The following UPF2 variants were observed in gnomAD, a reference collection of about 807,000 sequenced individuals.
UPF2 encodes regulator of nonsense transcripts 2.
In UPF2, 17 loss-of-function variants were observed where a neutral mutation model predicts 141.4. The observed-to-expected ratio is 0.12, with a 90% CI of 0.08 to 0.18. UPF2 has a LOEUF of 0.18. UPF2 is among the 10% of genes least tolerant of loss of function. UPF2 has a pLI of 1.00. For synonymous variants in UPF2, 540 were observed against 498.0 expected (o/e 1.08, Z -1.12); for missense variants, 1,152 against 1,515.9 (o/e 0.76, Z 3.99).
At chr10:11,987,633 A>G (rs1322305710) in intron 8 of UPF2, among the ~76,000 whole-genome samples, 1 of 151,780 alleles carries the variant, frequency 6.6e-6, no homozygotes, top group Admixed American at 6.6e-5. Flanking sequence ...GTGGTGGTGC[A>G]TGCCTGTAGT....
chr10:11,929,768 CG>C, intron 21 of UPF2, 96 bp downstream of exon 21: 1 of 1,490,866 alleles, frequency 6.7e-7, no homozygotes. Flanking sequence ...TGCTAAAAAT[CG>C]GGCCTTTGCC....
At position 12,015,774 on chromosome 10, in the gene UPF2, C is replaced by T. The variant is rs569617665; in HGVS notation, c.1146-1590G>A. On this transcript the variant is annotated intron_variant, in intron 3 of 21. Coordinates refer to ENST00000357604, the MANE Select transcript of UPF2 (RefSeq NM_015542.4). The stretch of plus-strand genomic sequence containing the variant: ...TTTTCAATTTTCCGAATATTAGTTC[C>T]CATTACAAGTGCATCAGTGCATAGA... Among the ~76,000 whole-genome samples, 18 of 152,202 alleles carry T rather than the reference C, an allele frequency of 1.2e-4. 1 individual carries two copies. The South Asian group carries it at 3.7e-3, about 32-fold the overall frequency.
chr10:11,973,394 T>C (rs1243546514), intron 9 of UPF2, among the ~76,000 whole-genome samples: 2 of 152,358 alleles, frequency 1.3e-5, no homozygotes, highest in African/African-American at 4.8e-5. Flanking sequence ...TTTAATTAGA[T>C]CCCATTTGTC....
At chr10:11,927,245 T>C (rs949981884) in intron 21 of UPF2, among the ~76,000 whole-genome samples, 1 of 152,180 alleles carries the variant, frequency 6.6e-6, no homozygotes, top group South Asian at 2.1e-4. Flanking sequence ...ACTAAGACAC[T>C]ATACTTGCGA....
rs780308726 is a variant in UPF2, at chr10:12,021,366, CA to C, written c.1146-7183del. 1.3e-3 allele frequency among the ~76,000 whole-genome samples: 82 copies of C among 64,774 alleles called. 1 individual carries two copies. Among genetic ancestry groups the C allele is most frequent in the African/African-American group, 2.9e-3 (62 of 21,462 alleles). 42.5% of individuals were successfully genotyped at this position (64,774 alleles called of 152,430 possible). A position where few individuals can be genotyped will look rare whatever the true frequency, so the allele number is the denominator to read the frequency against. ...CCAACATAATGAAACCAAGTCTCTA[CA>C]AAAAAAAAAAAATTTTTTTAAATTA... is the stretch of plus-strand genomic sequence containing the variant. On this transcript the variant is annotated intron_variant, in intron 3 of 21. Coordinates refer to ENST00000357604, the MANE Select transcript of UPF2 (RefSeq NM_015542.4).
intron 21 of UPF2, among the ~76,000 whole-genome samples, chr10:11,925,664 G>C (rs149313030): frequency 6.6e-6 from 1 of 152,200 alleles, no homozygotes; most frequent in South Asian, 2.1e-4. Context: ...CAGCAGATCC[G>C]CACTGACCTA....
At chr10:12,004,458 T>C in intron 5 of UPF2, 72 bp downstream of exon 5, 1 of 1,218,442 alleles carries the variant, frequency 8.2e-7, no homozygotes, top group Non-Finnish European at 1.1e-6. Flanking sequence ...ATATATATTT[T>C]TTTTTTACAA....
At position 12,042,422 on chromosome 10, in the gene UPF2, T is replaced by C. The variant is rs1588586847; in HGVS notation, c.-19+333A>G. Among the ~76,000 whole-genome samples, 1 of 151,568 alleles carries C rather than the reference T, an allele frequency of 6.6e-6. No individual in the cohort carries two copies. Reference sequence around the variant, plus strand: ...TTCCCCCGACCTCCCCTCGCTCTCCTCCACGCCCCCGAACACTTTCGCCCC... The same window carrying C: ...TTCCCCCGACCTCCCCTCGCTCTCCCCCACGCCCCCGAACACTTTCGCCCC... On this transcript the variant is annotated intron_variant, in intron 1 of 21. Transcript: ENST00000357604. This position sits in a 1 kb window ranked among gnomAD's most constrained non-coding sequence, Gnocchi z 5.5.
intron 9 of UPF2, among the ~76,000 whole-genome samples, chr10:11,978,028 TC>T (rs1265857264): frequency 2.0e-5 from 3 of 152,176 alleles, no homozygotes; most frequent in African/African-American, 7.2e-5. Context: ...ACTCTCTCCT[TC>T]CTTCGCACTC....
chr10:11,995,006 A>G (rs934177514), intron 8 of UPF2, among the ~76,000 whole-genome samples: 4 of 138,714 alleles, frequency 2.9e-5, no homozygotes, highest in Non-Finnish European at 6.2e-5. Flanking sequence ...AAAAAAAAAG[A>G]GTGATAGTTT....
At chr10:11,943,409 G>A (rs957126558) in intron 16 of UPF2, among the ~76,000 whole-genome samples, 73 of 152,152 alleles carry the variant, frequency 4.8e-4, no homozygotes, top group African/African-American at 1.7e-3. Context: ...TATTGTAGAA[G>A]CTCTTTCTTG....
rs1341809651 is a variant in UPF2 at position 11,931,817 on chromosome 10, T to A, written c.3547-35A>T. The A allele has an allele frequency of 6.4e-7, 1 of 1,572,060 alleles. No homozygotes were observed. Among genetic ancestry groups the A allele is most frequent in the Non-Finnish European group, 8.6e-7 (1 of 1,165,542 alleles). On this transcript the variant is annotated intron_variant, in intron 19 of 21. Transcript: ENST00000357604. This position sits in a 1 kb window ranked among gnomAD's most constrained non-coding sequence, Gnocchi z 5.9. ...AATAACAAAGGAGTTACAAATAGTT[T>A]GAGAACACTGAGAGAAAGAAAAAAC...
chr10:12,029,400 G>A lies in UPF2; in HGVS notation c.490C>T (p.Leu164Phe). 1.2e-6 allele frequency: 2 copies of A among 1,614,224 alleles called. No individual in the cohort carries two copies. The highest frequency in any genetic ancestry group is 1.7e-6 in the Non-Finnish European group (2 of 1,180,048). The change falls in exon 3 of 22, where the codon CTC (leucine) becomes TTC (phenylalanine). Residue 164 changes from leucine to phenylalanine, a missense_variant. This residue lies in a region of UPF2 where 739 missense variants were observed against 1,032.2 expected (regional missense o/e 0.72). Transcript: ENST00000357604. ...SRPEENFFSRLDSSLKKNTAF... is the reference protein window; with the variant it reads ...SRPEENFFSRFDSSLKKNTAF... Reference sequence around the variant, plus strand: ...GTATTTTTCTTCAAACTTGAGTCGAGGCGGCTGAAGAAGTTTTCCTCTGGT... The same window carrying A: ...GTATTTTTCTTCAAACTTGAGTCGAAGCGGCTGAAGAAGTTTTCCTCTGGT...
At chr10:12,039,096 T>A (rs2131322053) in intron 1 of UPF2, among the ~76,000 whole-genome samples, 1 of 152,324 alleles carries the variant, frequency 6.6e-6, no homozygotes, top group African/African-American at 2.4e-5. Flanking sequence ...ACTAATACAC[T>A]ACTCATGGTA....
rs377563743 is a variant in UPF2, at chr10:12,042,295, C to G, written c.-19+460G>C. On this transcript the variant is annotated intron_variant, in intron 1 of 21. Transcript: ENST00000357604. This position sits in a 1 kb window ranked among gnomAD's most constrained non-coding sequence, Gnocchi z 5.5. Reference sequence around the variant, plus strand: ...CCCAACTTCTCGCCCCACACTCCCTCGCCACAGAAGCCTTCCCGGCCGGTC... The same window carrying G: ...CCCAACTTCTCGCCCCACACTCCCTGGCCACAGAAGCCTTCCCGGCCGGTC... Among the ~76,000 whole-genome samples, 1 of 152,092 alleles carries G rather than the reference C, an allele frequency of 6.6e-6. No individual in the cohort carries two copies. Among genetic ancestry groups the G allele is most frequent in the Non-Finnish European group, 1.5e-5 (1 of 67,998 alleles).
Position 12,029,043 on chromosome 10 carries a change from C to T in UPF2, c.847G>A (p.Gly283Ser). 2 of 1,614,182 alleles carry T rather than the reference C, an allele frequency of 1.2e-6. No homozygotes were observed. Among genetic ancestry groups the T allele is most frequent in the Non-Finnish European group, 1.7e-6 (2 of 1,180,036 alleles). Residue 283 changes from glycine to serine, a missense_variant, in exon 3 of 22, where the codon GGT becomes AGT. Gly to Ser is a moderately conservative substitution (Grantham distance 56). Coordinates refer to ENST00000357604, the MANE Select transcript of UPF2 (RefSeq NM_015542.4). ...AGCTGTTCATAGATTAAGGAAAGAC[C>T]TTCCTTGTCAGTGAAAATCCCAACT... ...TIVGIFTDKE[G>S]LSLIYEQLKN... is the part of the protein sequence containing the mutation.
chr10:11,940,170 T>C lies in UPF2; in HGVS notation c.3378+2495A>G, dbSNP rs1211678163. Among the ~76,000 whole-genome samples, 1 of 152,150 alleles carries C rather than the reference T, an allele frequency of 6.6e-6. No individual in the cohort carries two copies. The highest frequency in any genetic ancestry group is 1.5e-5 in the Non-Finnish European group (1 of 68,026). ...GTTTTTCTCCAGCACAAAAAGCACA[T>C]CTCCTGCAAAAATGTGAATTCGAAC... On this transcript the variant is annotated intron_variant, in intron 18 of 21. Coordinates refer to ENST00000357604, the MANE Select transcript of UPF2 (RefSeq NM_015542.4). This position sits in a 1 kb window ranked among gnomAD's most constrained non-coding sequence, Gnocchi z 4.2.
chr10:12,030,708 G>A (rs914749575), intron 2 of UPF2, among the ~76,000 whole-genome samples: 1 of 142,758 alleles, frequency 7.0e-6, no homozygotes, highest in Non-Finnish European at 1.5e-5. Context: ...ATGGTGAAAC[G>A]CCATCTCTAC....
chr10:11,963,929 G>A (rs1833278628), intron 11 of UPF2, 80 bp downstream of exon 11: 2 of 952,164 alleles, frequency 2.1e-6, no homozygotes, highest in Admixed American at 2.3e-5. Context: ...AAGATAACCA[G>A]CACTGGTCAA....
Sources: allele counts gnomAD v4.1 joint callset (sites outside exome capture counted in the v4.1 genomes callset), GRCh38; gene constraint gnomAD v4.1.1; regional missense constraint gnomAD v4.1.1; non-coding constraint Gnocchi (gnomAD v3.1); transcripts MANE v1.5; gene names NCBI Gene and HGNC (gene_info 2026-07-23, HGNC 2026-07-21).